Variants in AFF2 observed in about 807,000 individuals in gnomAD.
AFF2 encodes ALF transcription elongation factor 2.
AFF2 carries 14 observed loss-of-function variants against 76.9 expected under a neutral mutation model. The observed-to-expected ratio is 0.18, with a 90% CI of 0.12 to 0.28. The LOEUF (loss-of-function observed/expected upper bound fraction) is 0.28, where lower values mean the gene tolerates loss of function less well. Among genes scored for constraint, AFF2 ranks in the 10% least tolerant of loss-of-function variants. AFF2 has a pLI of 1.00. For synonymous variants in AFF2, 398 were observed against 366.7 expected (o/e 1.09, Z -0.98); for missense variants, 868 against 1,001.1 (o/e 0.87, Z 1.79).
At position 148,955,698 on chromosome X, in the gene AFF2, A is replaced by ACCC; in HGVS notation, c.1654_1656dup (p.Pro552dup). ...CTTTTATTTGTGGCCAAAATGAAAC[A>ACCC]CCCATGGAGACTATTTCTCTGCCTC... On this transcript the variant is annotated inframe_insertion, in exon 11 of 21. Transcript: ENST00000370460. 1 of 1,211,231 alleles carries ACCC rather than the reference A, an allele frequency of 8.3e-7. No homozygotes were observed. Among genetic ancestry groups the ACCC allele is most frequent in the Middle Eastern group, 2.3e-4 (1 of 4,351 alleles).
intron 1 of AFF2, among the ~76,000 whole-genome samples, chrX:148,551,207 C>T (rs1193695972): frequency 9.1e-6 from 1 of 110,471 alleles, no homozygotes. Flanking sequence ...ACTCTCTTCT[C>T]TTTCCATTCT....
chrX:148,824,362 T>C (rs1337885042), intron 4 of AFF2, among the ~76,000 whole-genome samples: 1 of 111,637 alleles, frequency 9.0e-6, no homozygotes, highest in African/African-American at 3.3e-5. Context: ...AGATGTACTG[T>C]ATTATATACT....
Position 148,648,829 on chromosome X carries a change from C to A in AFF2, c.48-3170C>A, listed in dbSNP as rs1270316705. On this transcript the variant is annotated intron_variant, in intron 1 of 20. Transcript: ENST00000370460. ...CAGTTTTTATATTATCATAATGTGA[C>A]CAATTTTATTATATCCAGGAGAAAA... Among the ~76,000 whole-genome samples the A allele has an allele frequency of 2.7e-5, 3 of 110,672 alleles. No homozygotes were observed. In the East Asian group the frequency reaches 8.5e-4, roughly 31 times the overall value.
At chrX:148,834,871 G>A (rs542947168) in intron 4 of AFF2, among the ~76,000 whole-genome samples, 20 of 112,159 alleles carry the variant, frequency 1.8e-4, no homozygotes, top group South Asian at 7.4e-4. Flanking sequence ...GTCCTTTGAG[G>A]AAGATATTCT....
At chrX:148,568,104 C>T (rs1275557281) in intron 1 of AFF2, among the ~76,000 whole-genome samples, 1 of 110,961 alleles carries the variant, frequency 9.0e-6, no homozygotes, top group Non-Finnish European at 1.9e-5. Flanking sequence ...AGTCACTCAG[C>T]ATCATAGAGC....
intron 1 of AFF2, among the ~76,000 whole-genome samples, chrX:148,650,712 C>T (rs1282208352): frequency 2.7e-5 from 3 of 111,834 alleles, no homozygotes; most frequent in African/African-American, 9.8e-5. Context: ...GCATTGTACA[C>T]TCCATGTTTA....
intron 15 of AFF2, among the ~76,000 whole-genome samples, chrX:148,973,109 G>T (rs1425744200): frequency 9.5e-6 from 1 of 105,406 alleles, no homozygotes; most frequent in East Asian, 3.1e-4. Context: ...ATTTCTGAGG[G>T]CTCTGTTCTG....
chrX:148,886,080 T>A (rs2071156482), intron 8 of AFF2, 95 bp downstream of exon 8: 1 of 656,548 alleles, frequency 1.5e-6, no homozygotes, highest in African/African-American at 2.2e-5. Flanking sequence ...AACTTCCCCA[T>A]GCTTTATCTC....
intron 3 of AFF2, among the ~76,000 whole-genome samples, chrX:148,701,998 T>G (rs1045643122): frequency 5.3e-5 from 6 of 112,479 alleles, no homozygotes; most frequent in Non-Finnish European, 1.1e-4. Flanking sequence ...GTGAACCATG[T>G]ATAGATATTT....
At chrX:148,939,304 C>T (rs1019691458) in intron 9 of AFF2, among the ~76,000 whole-genome samples, 1 of 111,834 alleles carries the variant, frequency 8.9e-6, no homozygotes, top group South Asian at 3.7e-4. Context: ...TTCATGAGTT[C>T]CATGCCTAAC....
At chrX:148,614,192 A>G (rs1419558557) in intron 1 of AFF2, among the ~76,000 whole-genome samples, 1 of 112,027 alleles carries the variant, frequency 8.9e-6, no homozygotes, top group Non-Finnish European at 1.9e-5. Flanking sequence ...AATCAAAGAG[A>G]AAGTGGGAAG....
At chrX:148,703,969 A>G (rs1557262084) in intron 3 of AFF2, among the ~76,000 whole-genome samples, 2 of 108,275 alleles carry the variant, frequency 1.8e-5, no homozygotes, top group African/African-American at 6.7e-5. Flanking sequence ...GGCTCAGTGC[A>G]GCCTTGACGT....
At chrX:148,719,696 T>G (rs2124539278) in intron 3 of AFF2, among the ~76,000 whole-genome samples, 1 of 112,148 alleles carries the variant, frequency 8.9e-6, no homozygotes, top group African/African-American at 3.2e-5. Flanking sequence ...ATTTGTCTGC[T>G]ATTTAAGTGC....
At chrX:148,541,214 C>T (rs782160168) in intron 1 of AFF2, among the ~76,000 whole-genome samples, 45 of 112,366 alleles carry the variant, frequency 4.0e-4, no homozygotes, top group Non-Finnish European at 7.1e-4. Flanking sequence ...GTGATTGTTG[C>T]TATAGTTATC....
At chrX:148,718,866 T>A (rs1429980212) in intron 3 of AFF2, among the ~76,000 whole-genome samples, 1 of 111,365 alleles carries the variant, frequency 9.0e-6, no homozygotes, top group Admixed American at 9.6e-5. Flanking sequence ...ATAAACCAAC[T>A]GTATTTTGAA....
intron 1 of AFF2, among the ~76,000 whole-genome samples, chrX:148,511,313 AG>A (rs1285787906): frequency 3.6e-5 from 4 of 111,562 alleles, no homozygotes; most frequent in Non-Finnish European, 7.5e-5. Flanking sequence ...TCTAGTACAA[AG>A]GGGGGATAAC....
At position 148,700,629 on chromosome X, in the gene AFF2, TTAA is replaced by T. The variant is rs1209764520; in HGVS notation, c.1041+37865_1041+37867del. The stretch of plus-strand genomic sequence containing the variant: ...TGCAGATGCTGCCGTGAAGAGGAAG[TTAA>T]TAACAGGTGTTTTGGAATATAACTA... On this transcript the variant is annotated intron_variant, in intron 3 of 20. Transcript: ENST00000370460. Among the ~76,000 whole-genome samples, 8 of 110,875 alleles carry T rather than the reference TTAA, an allele frequency of 7.2e-5. No homozygotes were observed. The Admixed American group carries it at 7.8e-4, about 11-fold the overall frequency.
chrX:148,923,029 A>T (rs2071613022), intron 9 of AFF2, among the ~76,000 whole-genome samples: 1 of 111,971 alleles, frequency 8.9e-6, no homozygotes, highest in African/African-American at 3.2e-5. Flanking sequence ...CATTAGAGGA[A>T]GCACATGACT....
chrX:148,926,387 A>C (rs2071651137), intron 9 of AFF2, among the ~76,000 whole-genome samples: 1 of 112,006 alleles, frequency 8.9e-6, no homozygotes. Flanking sequence ...TTCTGAGATG[A>C]AAAGGGGTGA....
Sources: allele counts gnomAD v4.1 joint callset (sites outside exome capture counted in the v4.1 genomes callset), GRCh38; gene constraint gnomAD v4.1.1; transcripts MANE v1.5; gene names NCBI Gene and HGNC (gene_info 2026-07-23, HGNC 2026-07-21).